The following ITGB6 variants were observed in gnomAD, a reference collection of about 807,000 sequenced individuals.
The protein encoded by ITGB6 is integrin beta-6.
ITGB6 carries 80 observed loss-of-function variants against 84.5 expected under a neutral mutation model. The observed-to-expected ratio is 0.95, with a 90% CI of 0.79 to 1.14. ITGB6 has a LOEUF of 1.14. Among genes scored for constraint, ITGB6 ranks in the 50% most tolerant of loss-of-function variants. The pLI is 0.00. For synonymous variants in ITGB6, 383 were observed against 354.9 expected, an observed-to-expected ratio of 1.08 and a Z score of -0.89; for missense variants, 1,006 against 968.0, an observed-to-expected ratio of 1.04 and a Z score of -0.52.
chr2:160,187,890 T>C (rs1472363426), intron 4 of ITGB6, among the ~76,000 whole-genome samples: 4 of 152,124 alleles, frequency 2.6e-5, no homozygotes, highest in Non-Finnish European at 5.9e-5. Flanking sequence ...GCTCTTAATT[T>C]TCAAGAGTCT....
At position 160,174,224 on chromosome 2, in the gene ITGB6, C is replaced by T. The variant is rs558638936; in HGVS notation, c.594-85G>A. On this transcript the variant is annotated intron_variant, in intron 4 of 14. Coordinates refer to ENST00000283249, the MANE Select transcript of ITGB6 (RefSeq NM_000888.5). ...GATCTAATAGCTTAGCAACATTCTC[C>T]TAAATGAAGATTAGTTTTTCTAAAG... The T allele has an allele frequency of 4.3e-5, 45 of 1,036,020 alleles. No homozygotes were observed. In the East Asian group the frequency reaches 1.2e-3, roughly 27 times the overall value. The allele number at this position is 1,036,020 out of a possible 1,614,324, so 64.2% of individuals were successfully genotyped here. A position where few individuals can be genotyped will look rare whatever the true frequency, so the allele number is the denominator to read the frequency against.
chr2:160,168,727 A>G (rs1685095913), intron 7 of ITGB6, among the ~76,000 whole-genome samples: 2 of 152,178 alleles, frequency 1.3e-5, no homozygotes, highest in Admixed American at 6.5e-5. Flanking sequence ...TTGGCCCCAT[A>G]TAACAAGTTT....
chr2:160,116,892 C>A (rs1278317342), intron 12 of ITGB6, among the ~76,000 whole-genome samples: 8 of 150,852 alleles, frequency 5.3e-5, no homozygotes, highest in African/African-American at 1.7e-4. Flanking sequence ...GACTTTAAAC[C>A]AACAAAGATC....
chr2:160,148,385 A>G lies in ITGB6; in HGVS notation c.1018-6314T>C, dbSNP rs967769149. Among the ~76,000 whole-genome samples the G allele has an allele frequency of 3.9e-5, 6 of 152,322 alleles. No homozygotes were observed. In the South Asian group the frequency reaches 1.0e-3, roughly 26 times the overall value. On this transcript the variant is annotated intron_variant, in intron 7 of 14. Transcript: ENST00000283249. ...ATGCAAAATGATGCAGCCACTACAA[A>G]AGACAGTGTGGTAGTTTCTTGCAAA...
intron 14 of ITGB6, among the ~76,000 whole-genome samples, chr2:160,106,442 G>A (rs746462712): frequency 7.9e-5 from 12 of 152,068 alleles, no homozygotes; most frequent in Non-Finnish European, 1.8e-4. Context: ...GTTTTGCCAT[G>A]TTGCCCAACT....
chr2:160,183,581 T>A (rs928478735), intron 4 of ITGB6, among the ~76,000 whole-genome samples: 1 of 152,106 alleles, frequency 6.6e-6, no homozygotes, highest in Non-Finnish European at 1.5e-5. Flanking sequence ...GACAGATCAA[T>A]GAGACAGAAA....
intron 7 of ITGB6, among the ~76,000 whole-genome samples, chr2:160,159,076 G>T (rs1323083112): frequency 6.7e-6 from 1 of 149,808 alleles, no homozygotes; most frequent in African/African-American, 2.5e-5. Context: ...TCCAGCCTGG[G>T]CAATAGAGTG....
At chr2:160,193,665 C>T (rs901414098) in intron 4 of ITGB6, among the ~76,000 whole-genome samples, 1 of 152,142 alleles carries the variant, frequency 6.6e-6, no homozygotes, top group Admixed American at 6.5e-5. Flanking sequence ...CCTTATTGCC[C>T]CTATTTTCCT....
At chr2:160,193,178 G>A (rs952677699) in intron 4 of ITGB6, among the ~76,000 whole-genome samples, 2 of 152,114 alleles carry the variant, frequency 1.3e-5, no homozygotes, top group Non-Finnish European at 1.5e-5. Flanking sequence ...AGACTTCTAC[G>A]CAAGTGCTCA....
chr2:160,131,636 A>G (rs1336684503), intron 10 of ITGB6, among the ~76,000 whole-genome samples: 1 of 152,222 alleles, frequency 6.6e-6, no homozygotes, highest in Non-Finnish European at 1.5e-5. Context: ...CATTTGAAAG[A>G]AAAGTTACTA....
chr2:160,196,040 G>A (rs11899413), intron 3 of ITGB6, among the ~76,000 whole-genome samples, 176 bp downstream of exon 3: 3,786 of 152,178 alleles, frequency 0.025, 147 homozygotes, highest in African/African-American at 0.086. Context: ...TTGGAGTGCC[G>A]GGGCCAATGT....
At chr2:160,114,892 C>T (rs150185400) in intron 12 of ITGB6, among the ~76,000 whole-genome samples, 15 of 152,338 alleles carry the variant, frequency 9.8e-5, no homozygotes, top group South Asian at 8.3e-4. Flanking sequence ...CACGGAGTCT[C>T]GCTGATTGCT....
At chr2:160,135,752 T>C (rs1683687523) in intron 10 of ITGB6, among the ~76,000 whole-genome samples, 1 of 151,912 alleles carries the variant, frequency 6.6e-6, no homozygotes, top group African/African-American at 2.4e-5. Flanking sequence ...TAATGCCACA[T>C]ATCTACAACT....
Position 160,161,509 on chromosome 2 carries a change from T to G in ITGB6, c.1017+7703A>C, listed in dbSNP as rs112173086. Among the ~76,000 whole-genome samples the G allele has an allele frequency of 7.2e-3, 1,097 of 152,240 alleles. 16 individuals carry two copies. Among genetic ancestry groups the G allele is most frequent in the African/African-American group, 0.025 (1,058 of 41,530 alleles). On this transcript the variant is annotated intron_variant, in intron 7 of 14. Coordinates refer to ENST00000283249, the MANE Select transcript of ITGB6 (RefSeq NM_000888.5). The stretch of plus-strand genomic sequence containing the variant: ...TTTCACCATGTTGGCCAGGCTGTTC[T>G]CGAACTCCTGACCTCGAGTGAACCA...
intron 14 of ITGB6, 131 bp downstream of exon 14, chr2:160,107,547 GA>G (rs201566540): frequency 1.3e-6 from 1 of 753,994 alleles, no homozygotes; most frequent in Non-Finnish European, 2.2e-6. Context: ...AAAGCTGTTG[GA>G]GTCATGGCGA....
chr2:160,116,883 A>T (rs890938236), intron 12 of ITGB6, among the ~76,000 whole-genome samples: 20 of 150,804 alleles, frequency 1.3e-4, no homozygotes, highest in African/African-American at 4.8e-4. Context: ...GATAAAACAG[A>T]CTTTAAACCA....
chr2:160,123,920 A>T, intron 11 of ITGB6, 32 bp from the exon 12 acceptor site: 3 of 1,503,792 alleles, frequency 2.0e-6, no homozygotes, highest in South Asian at 1.2e-5. Flanking sequence ...GTATCAGTTC[A>T]TGCTGGTGGA....
At chr2:160,118,655 T>A (rs1481768634) in intron 12 of ITGB6, among the ~76,000 whole-genome samples, 1 of 151,894 alleles carries the variant, frequency 6.6e-6, no homozygotes, top group African/African-American at 2.4e-5. Flanking sequence ...GTGTTGGAAG[T>A]TCTGGCCAGG....
At chr2:160,159,013 C>T (rs1212199725) in intron 7 of ITGB6, among the ~76,000 whole-genome samples, 3 of 151,522 alleles carry the variant, frequency 2.0e-5, no homozygotes, top group East Asian at 1.9e-4. Flanking sequence ...GCAGGAGACT[C>T]GCTTGAAGCC....
Sources: allele counts gnomAD v4.1 joint callset (sites outside exome capture counted in the v4.1 genomes callset), GRCh38; gene constraint gnomAD v4.1.1; transcripts MANE v1.5; gene names NCBI Gene and HGNC (gene_info 2026-07-23, HGNC 2026-07-21).